The following CCDC60 variants were observed in gnomAD, a reference collection of about 807,000 sequenced individuals.
The protein encoded by CCDC60 is coiled-coil domain containing 60.
CCDC60 carries 54 observed loss-of-function variants against 63.5 expected under a neutral mutation model. The ratio of observed to expected loss-of-function variants is 0.85; its 90% CI spans 0.68 to 1.07. CCDC60 has a LOEUF of 1.07. Ranked by LOEUF, CCDC60 falls within the 50% of genes least tolerant of loss-of-function variation. The pLI, the probability that CCDC60 is intolerant of heterozygous loss-of-function variation, is 0.00. For missense variants in CCDC60, 651 were observed against 684.3 expected, an observed-to-expected ratio of 0.95 and a Z score of 0.54; for synonymous variants, 206 against 238.8, an observed-to-expected ratio of 0.86 and a Z score of 1.27.
chr12:119,526,993 A>G (rs961519785), intron 11 of CCDC60, among the ~76,000 whole-genome samples: 2 of 152,262 alleles, frequency 1.3e-5, no homozygotes, highest in African/African-American at 2.4e-5. Flanking sequence ...TATTCACAAT[A>G]GAAAGGACAC....
rs1250973304 is a variant in CCDC60, at chr12:119,540,805, A to G, written c.*90A>G. ...CTGCCTGTGTTCCTGCCTCCTGACT[A>G]CCCTCATGGATGCTCTTTATGGATG... On this transcript the variant is annotated 3_prime_UTR_variant, in exon 14 of 14. Transcript: ENST00000327554. 2 of 857,406 alleles carry G rather than the reference A, an allele frequency of 2.3e-6. No individual in the cohort carries two copies. Among genetic ancestry groups the G allele is most frequent in the Admixed American group, 2.0e-5 (1 of 50,652 alleles). 53.1% of individuals were successfully genotyped at this position (857,406 alleles called of 1,614,324 possible).
At chr12:119,534,343 C>T (rs1049978869) in intron 13 of CCDC60, among the ~76,000 whole-genome samples, 1 of 152,120 alleles carries the variant, frequency 6.6e-6, no homozygotes, top group African/African-American at 2.4e-5. Flanking sequence ...TCTAAATATA[C>T]AATCATGTCA....
intron 2 of CCDC60, among the ~76,000 whole-genome samples, chr12:119,430,425 G>C (rs1007914135): frequency 6.6e-6 from 1 of 152,070 alleles, no homozygotes; most frequent in African/African-American, 2.4e-5. Context: ...CCAGCACTTT[G>C]GGAGGCCAAG....
At chr12:119,423,198 G>T (rs750713600) in intron 1 of CCDC60, among the ~76,000 whole-genome samples, 2 of 152,152 alleles carry the variant, frequency 1.3e-5, no homozygotes, top group African/African-American at 4.8e-5. Context: ...GGGGCGAGGC[G>T]CATGACCACA....
chr12:119,410,670 T>C lies in CCDC60; in HGVS notation c.91-18013T>C, dbSNP rs915302490. Among the ~76,000 whole-genome samples the C allele has an allele frequency of 1.3e-5, 2 of 152,136 alleles. No individual in the cohort carries two copies. Among genetic ancestry groups the C allele is most frequent in the African/African-American group, 4.8e-5 (2 of 41,420 alleles). ...TGAAACACCTATAGGGCAGAAAAAG[T>C]AAAACCCTTTACCTCACCCATCACA... On this transcript the variant is annotated intron_variant, in intron 1 of 13. Coordinates refer to ENST00000327554, the MANE Select transcript of CCDC60 (RefSeq NM_178499.5). The surrounding 1 kb of genome is among the most constrained non-coding windows in gnomAD (Gnocchi z 4.0).
intron 1 of CCDC60, among the ~76,000 whole-genome samples, chr12:119,355,160 C>A (rs747510810): frequency 1.3e-5 from 2 of 152,136 alleles, no homozygotes; most frequent in Admixed American, 1.3e-4. Context: ...CTTGGGTAAC[C>A]AGGGTGACTT....
intron 7 of CCDC60, among the ~76,000 whole-genome samples, chr12:119,513,236 C>T (rs939264498): frequency 6.6e-6 from 1 of 152,220 alleles, no homozygotes; most frequent in Non-Finnish European, 1.5e-5. Context: ...TCCCACTTTT[C>T]TTGAGGCACG....
chr12:119,470,378 G>T (rs1022395932), intron 2 of CCDC60, among the ~76,000 whole-genome samples: 21 of 152,170 alleles, frequency 1.4e-4, no homozygotes, highest in Admixed American at 1.3e-4. Context: ...CCCCTGAACT[G>T]GTCCCTGGAA....
intron 4 of CCDC60, among the ~76,000 whole-genome samples, chr12:119,485,500 C>A (rs970773346): frequency 1.3e-5 from 2 of 152,210 alleles, no homozygotes; most frequent in African/African-American, 4.8e-5. Flanking sequence ...AGCCCAAGAT[C>A]AAGGTGCTGT....
chr12:119,400,047 C>CTTTTTTT (rs550702095), intron 1 of CCDC60, among the ~76,000 whole-genome samples: 1 of 131,808 alleles, frequency 7.6e-6, no homozygotes, highest in Non-Finnish European at 1.6e-5. Context: ...GGTTGGTTTC[C>CTTTTTTT]TTTTTTTTTT....
chr12:119,511,900 G>A (rs963818711), intron 7 of CCDC60, among the ~76,000 whole-genome samples: 23 of 152,106 alleles, frequency 1.5e-4, no homozygotes, highest in Non-Finnish European at 1.0e-4. Context: ...ATAGGCTTCT[G>A]GACACACTCC....
At chr12:119,501,624 C>G (rs1023157894) in intron 6 of CCDC60, among the ~76,000 whole-genome samples, 1 of 152,052 alleles carries the variant, frequency 6.6e-6, no homozygotes, top group African/African-American at 2.4e-5. Context: ...TTAAGACGAG[C>G]CTTGGTTTTT....
At chr12:119,359,954 C>T (rs1357339011) in intron 1 of CCDC60, among the ~76,000 whole-genome samples, 2 of 152,238 alleles carry the variant, frequency 1.3e-5, no homozygotes, top group East Asian at 3.9e-4. Context: ...GACACGGCAA[C>T]CATCCCATTT....
chr12:119,505,387 C>A (rs1353300870), intron 7 of CCDC60, 84 bp downstream of exon 7: 5 of 835,940 alleles, frequency 6.0e-6, no homozygotes, highest in Non-Finnish European at 9.7e-6. Flanking sequence ...GCCTCAAGTC[C>A]ACCTCCACTC....
At chr12:119,352,795 G>A (rs1182923249) in intron 1 of CCDC60, among the ~76,000 whole-genome samples, 1 of 152,026 alleles carries the variant, frequency 6.6e-6, no homozygotes, top group African/African-American at 2.4e-5. Flanking sequence ...AAATTAGCCG[G>A]ATGTGGTGGT....
intron 2 of CCDC60, among the ~76,000 whole-genome samples, chr12:119,465,132 A>ATGTT (rs1388818065): frequency 2.0e-5 from 3 of 151,754 alleles, no homozygotes; most frequent in Non-Finnish European, 2.9e-5. Context: ...TAACATGGTG[A>ATGTT]AACCCCGTCT....
intron 7 of CCDC60, among the ~76,000 whole-genome samples, chr12:119,509,823 C>T (rs1182270222): frequency 1.3e-5 from 2 of 152,278 alleles, no homozygotes; most frequent in African/African-American, 4.8e-5. Flanking sequence ...GTTATTTGCC[C>T]TAAGTCACAA....
intron 7 of CCDC60, among the ~76,000 whole-genome samples, chr12:119,514,431 C>CTGATGATGGA (rs1952298860): frequency 6.6e-6 from 1 of 151,198 alleles, no homozygotes; most frequent in African/African-American, 2.4e-5. Flanking sequence ...TCAGGTGATC[C>CTGATGATGGA]ACCCACCTCA....
rs1387632635 is a variant in CCDC60 at position 119,522,978 on chromosome 12, A to G, written c.1080A>G (p.Gln360=). 2.5e-6 allele frequency: 4 copies of G among 1,614,168 alleles called. No individual in the cohort carries two copies. The highest frequency in any genetic ancestry group is 2.2e-5 in the South Asian group (2 of 91,082). ...GTACAAGTGCAGAAAGCCACATCCA[A>G]CCAGTCCAGAAGAAGTCTAAAAAGT... The part of the protein sequence containing the change: ...SSSTSAESHI[Q]PVQKKSKNRT... Residue 360 remains glutamine, a synonymous_variant, in exon 10 of 14, where the codon CAA becomes CAG. Transcript: ENST00000327554.
Sources: allele counts gnomAD v4.1 joint callset (sites outside exome capture counted in the v4.1 genomes callset), GRCh38; gene constraint gnomAD v4.1.1; non-coding constraint Gnocchi (gnomAD v3.1); transcripts MANE v1.5; gene names NCBI Gene and HGNC (gene_info 2026-07-23, HGNC 2026-07-21).